KCNMA1: variants seen among roughly 807,000 people sequenced by gnomAD.
KCNMA1 encodes Calcium-activated potassium channel subunit alpha-1.
In KCNMA1, 29 loss-of-function variants were observed where a neutral mutation model predicts 140.0. That is an observed-to-expected ratio of 0.21 (90% CI 0.15 to 0.28). The LOEUF (loss-of-function observed/expected upper bound fraction) is 0.28, where lower values mean the gene tolerates loss of function less well. Ranked by LOEUF, KCNMA1 falls within the 10% of genes least tolerant of loss-of-function variation. The pLI is 1.00. For synonymous variants in KCNMA1, 612 were observed against 611.9 expected, an observed-to-expected ratio of 1.00 and a Z score of 0.00; for missense variants, 880 against 1,602.2, an observed-to-expected ratio of 0.55 and a Z score of 7.70.
chr10:77,601,472 C>T (rs1023080362), intron 1 of KCNMA1, among the ~76,000 whole-genome samples: 3 of 152,238 alleles, frequency 2.0e-5, no homozygotes, highest in Admixed American at 1.3e-4. Flanking sequence ...CAATCAAGCA[C>T]AAATAACACC....
chr10:77,454,223 T>C (rs1400147244), intron 1 of KCNMA1, among the ~76,000 whole-genome samples: 2 of 151,960 alleles, frequency 1.3e-5, no homozygotes, highest in Non-Finnish European at 2.9e-5. Flanking sequence ...ATCAAAAGAC[T>C]CCCCACTTCT....
rs2037354459 is a variant in KCNMA1 at position 76,887,037 on chromosome 10, G to T, written c.*229C>A. ...ATGCCTTTGGGTTATTTTTCCCCCA[G>T]AATCATAAATAACTTTTGGTCCGTC... is the stretch of plus-strand genomic sequence containing the variant. On this transcript the variant is annotated 3_prime_UTR_variant, in exon 28 of 28. Coordinates refer to ENST00000286628, the MANE Select transcript of KCNMA1 (RefSeq NM_001161352.2). 2.1e-6 allele frequency: 3 copies of T among 1,413,556 alleles called. No homozygotes were observed. Among genetic ancestry groups the T allele is most frequent in the Admixed American group, 4.7e-5 (2 of 42,108 alleles). The allele number at this position is 1,413,556 out of a possible 1,614,324, so 87.6% of individuals were successfully genotyped here. A position where few individuals can be genotyped will look rare whatever the true frequency, so the allele number is the denominator to read the frequency against.
At chr10:77,144,267 C>A (rs2098244123) in intron 5 of KCNMA1, among the ~76,000 whole-genome samples, 1 of 151,954 alleles carries the variant, frequency 6.6e-6, no homozygotes, top group South Asian at 2.1e-4. Context: ...ATATATACAA[C>A]AATATATACA....
chr10:77,521,202 C>A (rs1395743926), intron 1 of KCNMA1, among the ~76,000 whole-genome samples: 1 of 152,196 alleles, frequency 6.6e-6, no homozygotes, highest in Non-Finnish European at 1.5e-5. Context: ...TTGGCATGTT[C>A]TCTGTGGATA....
intron 2 of KCNMA1, among the ~76,000 whole-genome samples, chr10:77,318,824 G>A (rs1207495908): frequency 6.6e-6 from 1 of 152,164 alleles, no homozygotes; most frequent in African/African-American, 2.4e-5. Context: ...AGCAGTTGGA[G>A]ACTTCGTTCC....
intron 18 of KCNMA1, among the ~76,000 whole-genome samples, chr10:77,009,599 A>G (rs1048677914): frequency 3.9e-5 from 6 of 152,086 alleles, no homozygotes; most frequent in African/African-American, 1.4e-4. Context: ...AAATCTTCCA[A>G]AGGCTTCCTA....
Position 77,108,906 on chromosome 10 carries a change from A to T in KCNMA1, c.1132-334T>A, listed in dbSNP as rs1023041320. 4.6e-5 allele frequency among the ~76,000 whole-genome samples: 7 copies of T among 152,232 alleles called. No individual in the cohort carries two copies. The highest frequency in any genetic ancestry group is 1.2e-4 in the African/African-American group (5 of 41,466). ...AAGAGGGGGACATGCTAGTGAAACT[A>T]AACACACACAGACACATGTGTGCAT... On this transcript the variant is annotated intron_variant, in intron 8 of 27. Coordinates refer to ENST00000286628, the MANE Select transcript of KCNMA1 (RefSeq NM_001161352.2). The surrounding 1 kb of genome is among the most constrained non-coding windows in gnomAD (Gnocchi z 4.6).
intron 20 of KCNMA1, among the ~76,000 whole-genome samples, chr10:76,963,891 C>T (rs1444753837): frequency 6.6e-6 from 1 of 152,136 alleles, no homozygotes; most frequent in Non-Finnish European, 1.5e-5. Context: ...CTGTCTGAGC[C>T]TGTATCAGAC....
intron 3 of KCNMA1, among the ~76,000 whole-genome samples, chr10:77,218,732 G>A (rs567406383): frequency 6.6e-6 from 1 of 151,718 alleles, no homozygotes; most frequent in Non-Finnish European, 1.5e-5. Context: ...CATCGACCAG[G>A]CTGGAGTGCA....
intron 2 of KCNMA1, among the ~76,000 whole-genome samples, chr10:77,260,165 G>A (rs1328307692): frequency 6.6e-6 from 1 of 152,132 alleles, no homozygotes; most frequent in Non-Finnish European, 1.5e-5. Flanking sequence ...GAGGTCGAGG[G>A]TCTGAGACAC....
At chr10:77,496,564 T>C (rs1344562475) in intron 1 of KCNMA1, among the ~76,000 whole-genome samples, 1 of 129,520 alleles carries the variant, frequency 7.7e-6, no homozygotes, top group East Asian at 2.7e-4. Flanking sequence ...GCCACTGCAC[T>C]GCAGCCTGGG....
In KCNMA1 at chr10:76,886,098, T is replaced by C. The variant is rs201523875; in HGVS notation, c.*1168A>G. ...TGGCTTTTGTCTTTGTTGAGTCAAC[T>C]GTGGCTGATCCTCCTACATTCTAAT... On this transcript the variant is annotated 3_prime_UTR_variant, in exon 28 of 28. Transcript: ENST00000286628. The C allele has an allele frequency of 1.0e-6, 1 of 985,444 alleles. No individual in the cohort carries two copies. Among genetic ancestry groups the C allele is most frequent in the Non-Finnish European group, 1.2e-6 (1 of 829,952 alleles). 61.0% of individuals were successfully genotyped at this position (985,444 alleles called of 1,614,324 possible). A position where few individuals can be genotyped will look rare whatever the true frequency, so the allele number is the denominator to read the frequency against.
chr10:77,489,067 A>G (rs1046339157), intron 1 of KCNMA1, among the ~76,000 whole-genome samples: 1 of 152,114 alleles, frequency 6.6e-6, no homozygotes, highest in African/African-American at 2.4e-5. Context: ...GGGTTGCAGG[A>G]GCCTCAGACA....
chr10:76,885,129 T>C lies in KCNMA1; in HGVS notation c.*2137A>G. ...TATAGTTATAAATGTTCTGAGGGCG[T>C]AACTTTATAACCTCCTTTGCAAAGA... On this transcript the variant is annotated 3_prime_UTR_variant, in exon 28 of 28. Coordinates refer to ENST00000286628, the MANE Select transcript of KCNMA1 (RefSeq NM_001161352.2). 1 of 1,450,778 alleles carries C rather than the reference T, an allele frequency of 6.9e-7. No homozygotes were observed. Among genetic ancestry groups the C allele is most frequent in the Non-Finnish European group, 9.1e-7 (1 of 1,099,176 alleles). The allele number at this position is 1,450,778 out of a possible 1,614,324, so 89.9% of individuals were successfully genotyped here.
At chr10:77,562,850 G>A (rs1443712980) in intron 1 of KCNMA1, among the ~76,000 whole-genome samples, 2 of 152,226 alleles carry the variant, frequency 1.3e-5, no homozygotes, top group Non-Finnish European at 2.9e-5. Context: ...GATGGAAGAA[G>A]TCTTTCTTTC....
rs1026318895 is a variant in KCNMA1, at chr10:77,445,369, C to G, written c.379-41346G>C. On this transcript the variant is annotated intron_variant, in intron 1 of 27. Coordinates refer to ENST00000286628, the MANE Select transcript of KCNMA1 (RefSeq NM_001161352.2). ...TCTCTCACACGCACATACACAGACA[C>G]ACACACACACACACACACACACACA... Among the ~76,000 whole-genome samples, 194 of 135,206 alleles carry G rather than the reference C, an allele frequency of 1.4e-3. 2 individuals carry two copies. Among genetic ancestry groups the G allele is most frequent in the African/African-American group, 6.0e-3 (166 of 27,882 alleles). 88.7% of individuals were successfully genotyped at this position (135,206 alleles called of 152,430 possible). A position where few individuals can be genotyped will look rare whatever the true frequency, so the allele number is the denominator to read the frequency against.
At chr10:76,887,576 C>T in intron 27 of KCNMA1, 61 bp from the exon 28 acceptor site, 3 of 1,598,154 alleles carry the variant, frequency 1.9e-6, no homozygotes, top group Non-Finnish European at 2.6e-6. Flanking sequence ...ATTCAACTCT[C>T]TCTGAACCAA....
At chr10:77,463,119 G>A (rs1603626046) in intron 1 of KCNMA1, among the ~76,000 whole-genome samples, 1 of 152,146 alleles carries the variant, frequency 6.6e-6, no homozygotes, top group Non-Finnish European at 1.5e-5. Context: ...AAACCACAGT[G>A]AGGAGCTCAC....
intron 1 of KCNMA1, among the ~76,000 whole-genome samples, chr10:77,542,840 G>A (rs1010035851): frequency 1.3e-5 from 2 of 152,098 alleles, no homozygotes; most frequent in Non-Finnish European, 2.9e-5. Context: ...TATTGCTGAG[G>A]CCAAAATCTT....
Sources: allele counts gnomAD v4.1 joint callset (sites outside exome capture counted in the v4.1 genomes callset), GRCh38; gene constraint gnomAD v4.1.1; non-coding constraint Gnocchi (gnomAD v3.1); transcripts MANE v1.5; gene names NCBI Gene and HGNC (gene_info 2026-07-23, HGNC 2026-07-21).